PRIM2: variants seen among roughly 807,000 people sequenced by gnomAD.
PRIM2 encodes DNA primase large subunit.
In PRIM2, 39 loss-of-function variants were observed where a neutral mutation model predicts 67.3. The ratio of observed to expected loss-of-function variants is 0.58; its 90% CI spans 0.45 to 0.76. The LOEUF is 0.76. Ranked by LOEUF, PRIM2 falls within the 30% of genes least tolerant of loss-of-function variation. The pLI is 0.00. For missense variants in PRIM2, 398 were observed against 598.7 expected (o/e 0.66, Z 3.50); for synonymous variants, 143 against 198.7 (o/e 0.72, Z 2.36).
At chr6:57,451,032 TTGA>T (rs1391582633) in intron 7 of PRIM2, among the ~76,000 whole-genome samples, 1 of 152,216 alleles carries the variant, frequency 6.6e-6, no homozygotes, top group African/African-American at 2.4e-5. Context: ...GAAATTTACC[TTGA>T]TGATATTTAG....
At chr6:57,459,944 T>C (rs1172383272) in intron 7 of PRIM2, among the ~76,000 whole-genome samples, 1 of 152,188 alleles carries the variant, frequency 6.6e-6, no homozygotes, top group African/African-American at 2.4e-5. Flanking sequence ...GAAAAGGTAC[T>C]GCCTGCAGCA....
chr6:57,586,617 AAG>A (rs1776192543), intron 10 of PRIM2, among the ~76,000 whole-genome samples: 1 of 152,290 alleles, frequency 6.6e-6, no homozygotes, highest in Admixed American at 6.5e-5. Context: ...GGTGGAAGAA[AAG>A]AGAGGGAAGG....
chr6:57,284,683 C>A, the PRIM2 span, among the ~76,000 whole-genome samples: 1 of 152,102 alleles, frequency 6.6e-6, no homozygotes, highest in South Asian at 2.1e-4. Flanking sequence ...TAACAAATTA[C>A]TAACTTTTAA....
chr6:57,620,936 A>G (rs1776841581), intron 12 of PRIM2, among the ~76,000 whole-genome samples: 1 of 152,282 alleles, frequency 6.6e-6, no homozygotes, highest in Non-Finnish European at 1.5e-5. Context: ...AGCTGTTCTT[A>G]TATCAGATGA....
At chr6:57,304,274 A>G in the PRIM2 span, among the ~76,000 whole-genome samples, 1 of 152,240 alleles carries the variant, frequency 6.6e-6, no homozygotes, top group Non-Finnish European at 1.5e-5. Context: ...GACCCCAGAG[A>G]ATCAATTGGT....
chr6:57,318,640 G>A, intron 2 of PRIM2, 41 bp downstream of exon 2: 1 of 1,451,268 alleles, frequency 6.9e-7, no homozygotes, highest in Non-Finnish European at 9.4e-7. Flanking sequence ...TTCTTGAGAA[G>A]CTCACTTACC....
the PRIM2 span, among the ~76,000 whole-genome samples, chr6:57,278,291 C>T: frequency 6.6e-6 from 1 of 152,134 alleles, no homozygotes; most frequent in South Asian, 2.1e-4. Flanking sequence ...TGCACCTCTG[C>T]ACTACAGCCT....
In PRIM2 at chr6:57,482,949, G is replaced by A. The variant is rs1306825167; in HGVS notation, c.694-24438G>A. ...TGTTAAGATGGAATCTTGCTTTGTC[G>A]CACAGGCTGGAGTGCAGTGGTGCCA... On this transcript the variant is annotated intron_variant, in intron 7 of 13. Coordinates refer to ENST00000615550, the MANE Select transcript of PRIM2 (RefSeq NM_000947.5). 6.6e-5 allele frequency among the ~76,000 whole-genome samples: 10 copies of A among 152,178 alleles called. 1 individual carries two copies. In the South Asian group the frequency reaches 1.5e-3, roughly 22 times the overall value.
chr6:57,235,322 G>C, the PRIM2 span, among the ~76,000 whole-genome samples: 1 of 152,092 alleles, frequency 6.6e-6, no homozygotes. Flanking sequence ...AAATTAGCCA[G>C]GTTTGCTGGC....
intron 7 of PRIM2, among the ~76,000 whole-genome samples, chr6:57,481,542 T>C (rs1193883269): frequency 7.9e-5 from 12 of 152,184 alleles, no homozygotes; most frequent in Non-Finnish European, 1.8e-4. Flanking sequence ...AAAGCTGCTA[T>C]CAACATTTGT....
At chr6:57,263,965 G>T in the PRIM2 span, among the ~76,000 whole-genome samples, 1 of 152,160 alleles carries the variant, frequency 6.6e-6, no homozygotes, top group Non-Finnish European at 1.5e-5. Flanking sequence ...CACCAGCCTG[G>T]TACATGTATT....
chr6:57,340,655 A>G (rs1449184970), intron 5 of PRIM2, among the ~76,000 whole-genome samples: 2 of 152,052 alleles, frequency 1.3e-5, no homozygotes, highest in African/African-American at 2.4e-5. Context: ...GAATTGAACA[A>G]TGAGAACACA....
the PRIM2 span, among the ~76,000 whole-genome samples, chr6:57,289,208 A>G: frequency 6.6e-6 from 1 of 152,192 alleles, no homozygotes; most frequent in Non-Finnish European, 1.5e-5. Flanking sequence ...GATATCAGTG[A>G]TCGAAGATCA....
intron 10 of PRIM2, among the ~76,000 whole-genome samples, chr6:57,589,635 A>G (rs1398958897): frequency 1.3e-5 from 2 of 152,218 alleles, no homozygotes; most frequent in South Asian, 2.1e-4. Flanking sequence ...CTGTGCATCC[A>G]AAAGCTTTGT....
intron 7 of PRIM2, among the ~76,000 whole-genome samples, chr6:57,477,894 T>C (rs1464239333): frequency 2.0e-5 from 3 of 152,230 alleles, no homozygotes; most frequent in African/African-American, 4.8e-5. Context: ...TTGCATCTTT[T>C]ATAGCATAGT....
chr6:57,438,959 T>G (rs1772104337), intron 7 of PRIM2, among the ~76,000 whole-genome samples: 2 of 152,088 alleles, frequency 1.3e-5, no homozygotes, highest in Admixed American at 1.3e-4. Flanking sequence ...TCTGCTCACC[T>G]CGGCCTCCCA....
chr6:57,253,978 A>T, the PRIM2 span, among the ~76,000 whole-genome samples: 1 of 152,232 alleles, frequency 6.6e-6, no homozygotes, highest in Non-Finnish European at 1.5e-5. Flanking sequence ...GATGATGGGT[A>T]GGTGGTGAGC....
chr6:57,539,088 T>C (rs1211399260), intron 10 of PRIM2, among the ~76,000 whole-genome samples: 11 of 152,332 alleles, frequency 7.2e-5, no homozygotes, highest in Admixed American at 7.2e-4. Flanking sequence ...TTTTAAAAAC[T>C]GTCTTCATCG....
At chr6:57,522,440 T>A (rs1213008357) in intron 8 of PRIM2, among the ~76,000 whole-genome samples, 1 of 152,176 alleles carries the variant, frequency 6.6e-6, no homozygotes, top group Admixed American at 6.5e-5. Flanking sequence ...CATATATAAT[T>A]ATATATAATT....
Sources: allele counts gnomAD v4.1 joint callset (sites outside exome capture counted in the v4.1 genomes callset), GRCh38; gene constraint gnomAD v4.1.1; transcripts MANE v1.5; gene names NCBI Gene and HGNC (gene_info 2026-07-23, HGNC 2026-07-21).